Variants in GNAO1 observed in about 807,000 individuals in gnomAD.
The protein encoded by GNAO1 is G protein subunit alpha o1, also known as guanine nucleotide-binding protein G(o) subunit alpha.
For synonymous variants in GNAO1, 164 were observed against 180.7 expected (o/e 0.91, Z 0.74); for missense variants, 166 against 478.7 (o/e 0.35, Z 6.10).
chr16:56,197,688 T>G (rs1249397602), intron 2 of GNAO1, among the ~76,000 whole-genome samples: 1 of 152,232 alleles, frequency 6.6e-6, no homozygotes, highest in East Asian at 1.9e-4. Context: ...TGAACAGGGC[T>G]GGATTAGATT....
intron 2 of GNAO1, among the ~76,000 whole-genome samples, chr16:56,234,364 G>T (rs1368212009): frequency 1.3e-5 from 2 of 152,252 alleles, no homozygotes; most frequent in African/African-American, 2.4e-5. Context: ...GGTACTCATG[G>T]TTGGTGGGGT....
chr16:56,226,980 G>A (rs11643108), intron 2 of GNAO1, among the ~76,000 whole-genome samples: 21,314 of 152,144 alleles, frequency 0.14, 2,001 homozygotes, highest in African/African-American at 0.26. Context: ...CCTTTATACC[G>A]GAGAAGTAAT....
intron 7 of GNAO1, chr16:56,353,206 C>G (rs929071855): frequency 1.3e-5 from 2 of 152,454 alleles, no homozygotes; most frequent in Admixed American, 6.5e-5. Context: ...CCTGACCTCT[C>G]CCAGCCACAA....
At chr16:56,249,252 A>C (rs747850571) in intron 2 of GNAO1, among the ~76,000 whole-genome samples, 3 of 152,138 alleles carry the variant, frequency 2.0e-5, no homozygotes, top group Non-Finnish European at 2.9e-5. Context: ...ATGGGGGGGA[A>C]CAAGTTTGGG....
In GNAO1 at chr16:56,351,639, G is replaced by T; in HGVS notation, c.877+102G>T. On this transcript the variant is annotated intron_variant, in intron 7 of 8. Coordinates refer to ENST00000262493, the MANE Select transcript of GNAO1 (RefSeq NM_020988.3). The surrounding 1 kb of genome is among the most constrained non-coding windows in gnomAD (Gnocchi z 6.1). ...GCCAGCACTGCTGGGGCTAGCTGGC[G>T]AGCGGGACCCATTGCAGGAGACTGG... The T allele has an allele frequency of 2.2e-6, 2 of 898,640 alleles. No individual in the cohort carries two copies. The highest frequency in any genetic ancestry group is 1.6e-5 in the South Asian group (1 of 64,156). The allele number at this position is 898,640 out of a possible 1,614,324, so 55.7% of individuals were successfully genotyped here.
intron 2 of GNAO1, among the ~76,000 whole-genome samples, chr16:56,267,001 A>C (rs1468154095): frequency 1.3e-5 from 2 of 151,876 alleles, no homozygotes; most frequent in African/African-American, 4.8e-5. Context: ...ACTGCAGACC[A>C]CTCTGCTTAG....
chr16:56,328,558 G>A (rs2037658142), intron 3 of GNAO1, 73 bp from the exon 4 acceptor site: 8 of 1,501,118 alleles, frequency 5.3e-6, no homozygotes, highest in East Asian at 2.3e-5. Context: ...CCCGCTAGGG[G>A]AGAGCCCTTG....
intron 3 of GNAO1, among the ~76,000 whole-genome samples, chr16:56,280,891 A>C (rs2037108006): frequency 6.6e-6 from 1 of 152,106 alleles, no homozygotes; most frequent in African/African-American, 2.4e-5. Flanking sequence ...GATTCAGAGA[A>C]CTGAAGCTCT....
At chr16:56,346,970 A>G in intron 6 of GNAO1, 8 of 984,664 alleles carry the variant, frequency 8.1e-6, no homozygotes, top group Non-Finnish European at 9.6e-6. Context: ...CCCACCTAAC[A>G]CTCTACAGTT....
chr16:56,252,756 C>T (rs2036810931), intron 2 of GNAO1, among the ~76,000 whole-genome samples: 1 of 152,210 alleles, frequency 6.6e-6, no homozygotes, highest in South Asian at 2.1e-4. Flanking sequence ...TTCTCCCCTC[C>T]CAACCTTCCT....
At chr16:56,334,300 C>G (rs1231189441) in intron 4 of GNAO1, among the ~76,000 whole-genome samples, 1 of 152,200 alleles carries the variant, frequency 6.6e-6, no homozygotes, top group African/African-American at 2.4e-5. Context: ...CAGCCTCAGG[C>G]AAGGTACTTA....
chr16:56,282,201 A>G (rs2037121184), intron 3 of GNAO1, among the ~76,000 whole-genome samples: 1 of 152,112 alleles, frequency 6.6e-6, no homozygotes, highest in East Asian at 1.9e-4. Context: ...CCCTGGGTAA[A>G]TTATGTAACC....
intron 3 of GNAO1, among the ~76,000 whole-genome samples, chr16:56,306,243 G>A (rs2037394705): frequency 6.6e-6 from 1 of 152,222 alleles, no homozygotes; most frequent in Non-Finnish European, 1.5e-5. Context: ...CCTAGCGTGA[G>A]TTAGTGGTGT....
intron 2 of GNAO1, among the ~76,000 whole-genome samples, chr16:56,221,587 T>C (rs1596805140): frequency 6.8e-6 from 1 of 147,380 alleles, no homozygotes; most frequent in Non-Finnish European, 1.5e-5. Context: ...GAGGCAGAGG[T>C]TGCAGTGAGC....
chr16:56,263,831 C>T (rs567773068), intron 2 of GNAO1, among the ~76,000 whole-genome samples: 2 of 152,184 alleles, frequency 1.3e-5, no homozygotes, highest in African/African-American at 4.8e-5. Flanking sequence ...CTGACCTGTC[C>T]AAGAGGCTGG....
At chr16:56,194,394 T>C in intron 2 of GNAO1, 1 of 399,806 alleles carries the variant, frequency 2.5e-6, no homozygotes, top group South Asian at 1.8e-5. Context: ...GTTTTAAAAC[T>C]TCAGAAGTCT....
chr16:56,346,432 C>T (rs539892699), intron 6 of GNAO1: 7 of 985,402 alleles, frequency 7.1e-6, no homozygotes, highest in Non-Finnish European at 8.4e-6. Flanking sequence ...CTACGAAGAG[C>T]GTCTTTGCCA....
chr16:56,251,221 T>C (rs1377160604), intron 2 of GNAO1, among the ~76,000 whole-genome samples: 2 of 152,242 alleles, frequency 1.3e-5, no homozygotes, highest in African/African-American at 4.8e-5. Flanking sequence ...CAGTTATTTG[T>C]CCAGGACCAT....
At position 56,326,469 on chromosome 16, in the gene GNAO1, T is replaced by A. The variant is rs1428489325; in HGVS notation, c.304-2162T>A. Among the ~76,000 whole-genome samples, 5 of 152,094 alleles carry A rather than the reference T, an allele frequency of 3.3e-5. No homozygotes were observed. The highest frequency in any genetic ancestry group is 2.0e-4 in the Admixed American group (3 of 15,286). On this transcript the variant is annotated intron_variant, in intron 3 of 8. Coordinates refer to ENST00000262493, the MANE Select transcript of GNAO1 (RefSeq NM_020988.3). The surrounding 1 kb of genome is among the most constrained non-coding windows in gnomAD (Gnocchi z 4.8). ...TTTAGAAGCTTATCTGAGAAAAGGATTTGGGTGAGACAAGGAGTTTATTTG... is the reference window on the plus strand; with the variant it reads ...TTTAGAAGCTTATCTGAGAAAAGGAATTGGGTGAGACAAGGAGTTTATTTG...
Sources: gnomAD v4.1 joint callset for allele counts (sites outside exome capture counted in the v4.1 genomes callset) on GRCh38, gnomAD v4.1.1 for gene constraint, Gnocchi (gnomAD v3.1) non-coding constraint, MANE v1.5 for transcripts, NCBI Gene and HGNC (gene_info 2026-07-23, HGNC 2026-07-21) for gene names.